Variants in LINGO2 observed in about 807,000 individuals in gnomAD.
The protein encoded by LINGO2 is leucine-rich repeat and immunoglobulin-like domain-containing nogo receptor-interacting protein 2.
A neutral mutation model predicts 30.6 loss-of-function variants in LINGO2; 14 were observed. That is an observed-to-expected ratio of 0.46 (90% CI 0.30 to 0.72). LINGO2 has a LOEUF of 0.72. LINGO2 is among the 30% of genes least tolerant of loss of function. The pLI is 0.07. For missense variants in LINGO2, 729 were observed against 751.7 expected (o/e 0.97, Z 0.35); for synonymous variants, 317 against 288.5 (o/e 1.10, Z -1.00).
the LINGO2 span, among the ~76,000 whole-genome samples, chr9:29,194,943 C>CA: frequency 6.6e-6 from 1 of 152,178 alleles, no homozygotes; most frequent in Non-Finnish European, 1.5e-5. Flanking sequence ...TGAGTAGAAT[C>CA]ATGTATCTGC....
chr9:29,077,989 C>A, the LINGO2 span, among the ~76,000 whole-genome samples: 1 of 151,840 alleles, frequency 6.6e-6, no homozygotes, highest in East Asian at 1.9e-4. Context: ...TGCTTTTGTA[C>A]AATCAGAGTA....
chr9:29,061,466 T>G, the LINGO2 span, among the ~76,000 whole-genome samples: 1 of 151,998 alleles, frequency 6.6e-6, no homozygotes, highest in South Asian at 2.1e-4. Context: ...AACAGTGTGA[T>G]GCTGGTATTA....
chr9:29,078,374 AC>A, the LINGO2 span, among the ~76,000 whole-genome samples: 2 of 152,120 alleles, frequency 1.3e-5, no homozygotes, highest in East Asian at 3.9e-4. Context: ...AGCATGACTA[AC>A]CACACTAGTA....
the LINGO2 span, among the ~76,000 whole-genome samples, chr9:28,880,726 C>T: frequency 6.6e-6 from 1 of 152,154 alleles, no homozygotes; most frequent in Admixed American, 6.5e-5. Context: ...CTGCCTGCCC[C>T]TGGGAACTGA....
At chr9:29,013,877 A>G in the LINGO2 span, among the ~76,000 whole-genome samples, 4 of 152,134 alleles carry the variant, frequency 2.6e-5, no homozygotes, top group Non-Finnish European at 4.4e-5. Flanking sequence ...TCAACTATCT[A>G]GACATCTAAA....
At chr9:28,569,918 T>G (rs983565722) in intron 1 of LINGO2, among the ~76,000 whole-genome samples, 24 of 151,938 alleles carry the variant, frequency 1.6e-4, no homozygotes, top group Non-Finnish European at 3.4e-4. Flanking sequence ...TTATAATTTT[T>G]ATTTGGCAAA....
chr9:28,198,160 A>G (rs951642576), intron 4 of LINGO2, among the ~76,000 whole-genome samples: 7 of 127,380 alleles, frequency 5.5e-5, no homozygotes, highest in Non-Finnish European at 3.6e-5. Context: ...AAATTTCAGG[A>G]AAAAAAAACT....
chr9:29,146,630 G>A, the LINGO2 span, among the ~76,000 whole-genome samples: 2 of 152,106 alleles, frequency 1.3e-5, no homozygotes, highest in African/African-American at 4.8e-5. Context: ...AGAAAAATGT[G>A]GCAGAAGTAA....
At chr9:29,035,752 G>A in the LINGO2 span, among the ~76,000 whole-genome samples, 6 of 152,066 alleles carry the variant, frequency 3.9e-5, no homozygotes, top group East Asian at 1.2e-3. Flanking sequence ...CTAACGTCTT[G>A]TAAGTTGTAT....
intron 1 of LINGO2, among the ~76,000 whole-genome samples, chr9:28,478,301 A>C (rs1267396511): frequency 6.6e-6 from 1 of 152,098 alleles, no homozygotes; most frequent in African/African-American, 2.4e-5. Context: ...CATTCTACTA[A>C]AATATATGCA....
chr9:28,189,653 AAGGAAGGAAGGAAGGG>A lies in LINGO2; in HGVS notation c.-87+105539_-87+105554del, dbSNP rs1564029397. 1.5e-3 allele frequency among the ~76,000 whole-genome samples: 42 copies of A among 28,044 alleles called. 5 individuals carry two copies. Among genetic ancestry groups the A allele is most frequent in the African/African-American group, 2.8e-3 (24 of 8,632 alleles). 18.4% of individuals were successfully genotyped at this position (28,044 alleles called of 152,430 possible). ...GGAGGGAGGAAGGAAGGGAGGGAGG[AAGGAAGGAAGGAAGGG>A]AGGAAGGAAGGAAGGGAGGAAGGAA... On this transcript the variant is annotated intron_variant, in intron 4 of 5. Coordinates refer to ENST00000379992, the Ensembl canonical transcript of LINGO2.
At chr9:28,189,945 A>G (rs1819758540) in intron 4 of LINGO2, among the ~76,000 whole-genome samples, 1 of 152,040 alleles carries the variant, frequency 6.6e-6, no homozygotes, top group Non-Finnish European at 1.5e-5. Flanking sequence ...GACAGCAAAA[A>G]ACAAGGGAAA....
At chr9:28,362,224 GTGTGTGCGCATGCGCA>G (rs781319801) in intron 3 of LINGO2, among the ~76,000 whole-genome samples, 8 of 151,996 alleles carry the variant, frequency 5.3e-5, no homozygotes, top group Non-Finnish European at 8.8e-5. Flanking sequence ...ATGTGTGTGT[GTGTGTGCGCATGCGCA>G]TGTGTGTGCA....
At chr9:29,058,821 T>C in the LINGO2 span, among the ~76,000 whole-genome samples, 13 of 151,970 alleles carry the variant, frequency 8.6e-5, no homozygotes, top group African/African-American at 3.1e-4. Context: ...AAAATTTTAA[T>C]GTACTGAAAG....
intron 3 of LINGO2, among the ~76,000 whole-genome samples, chr9:28,326,222 G>A (rs1414380496): frequency 6.6e-6 from 1 of 152,132 alleles, no homozygotes; most frequent in Non-Finnish European, 1.5e-5. Flanking sequence ...GGTCATGCTG[G>A]TCTGTAACTC....
At chr9:28,686,429 C>T in the LINGO2 span, among the ~76,000 whole-genome samples, 1 of 151,928 alleles carries the variant, frequency 6.6e-6, no homozygotes, top group Non-Finnish European at 1.5e-5. Flanking sequence ...ATGGCTTTTA[C>T]TAGCTCAAAA....
At chr9:27,980,780 G>T (rs1820817033) in intron 5 of LINGO2, among the ~76,000 whole-genome samples, 1 of 151,898 alleles carries the variant, frequency 6.6e-6, no homozygotes, top group Non-Finnish European at 1.5e-5. Context: ...CCTTGCACAG[G>T]TCATCAGTGA....
At chr9:28,769,660 T>C in the LINGO2 span, among the ~76,000 whole-genome samples, 1 of 148,688 alleles carries the variant, frequency 6.7e-6, no homozygotes, top group African/African-American at 2.5e-5. Context: ...TAAATATGTG[T>C]TCTTGGTTTT....
At chr9:28,639,076 T>C (rs1827435461) in intron 1 of LINGO2, among the ~76,000 whole-genome samples, 1 of 152,188 alleles carries the variant, frequency 6.6e-6, no homozygotes, top group Admixed American at 6.5e-5. Flanking sequence ...TTTCATTATG[T>C]ACCCAGTAGC....
Sources: allele counts gnomAD v4.1 joint callset (sites outside exome capture counted in the v4.1 genomes callset), GRCh38; gene constraint gnomAD v4.1.1; transcripts MANE v1.5; gene names NCBI Gene and HGNC (gene_info 2026-07-23, HGNC 2026-07-21).